CUX1: variants seen among roughly 807,000 people sequenced by gnomAD.
The protein encoded by CUX1 is protein CASP.
CUX1 carries 31 observed loss-of-function variants against 158.8 expected under a neutral mutation model. The ratio of observed to expected loss-of-function variants is 0.20; its 90% confidence interval spans 0.15 to 0.26. The LOEUF is 0.26. Ranked by LOEUF, CUX1 falls within the 10% of genes least tolerant of loss-of-function variation. CUX1 has a pLI of 1.00. For synonymous variants in CUX1, 879 were observed against 862.1 expected, an observed-to-expected ratio of 1.02 and a Z score of -0.34; for missense variants, 1,589 against 2,014.6, an observed-to-expected ratio of 0.79 and a Z score of 4.04.
chr7:101,850,112 T>C (rs1038430008), intron 1 of CUX1, among the ~76,000 whole-genome samples: 3 of 151,848 alleles, frequency 2.0e-5, no homozygotes, highest in African/African-American at 7.3e-5. Flanking sequence ...TTAGTAGAGA[T>C]GGGGTTTCAC....
chr7:101,995,172 C>T lies in CUX1; in HGVS notation c.142-32926C>T, dbSNP rs372249949. Among the ~76,000 whole-genome samples, 31 of 152,238 alleles carry T rather than the reference C, an allele frequency of 2.0e-4. 1 individual carries two copies. The East Asian group carries it at 2.5e-3, about 12-fold the overall frequency. ...GGTGATTGTGGGGAACTGCTGCTGA[C>T]GGGCTCTTGGGCACACCCCTCACTC... On this transcript the variant is annotated intron_variant, in intron 2 of 23. Coordinates refer to ENST00000292535, the MANE Select transcript of CUX1 (RefSeq NM_181552.4).
Position 102,170,554 on chromosome 7 carries a change from G to C in CUX1, c.828+4G>C. The C allele has an allele frequency of 6.4e-7, 1 of 1,569,200 alleles. No individual in the cohort carries two copies. Among genetic ancestry groups the C allele is most frequent in the Non-Finnish European group, 8.6e-7 (1 of 1,156,210 alleles). ...GATCCAGAAGGCACCAGACGTGGTGGGTAGCCCCGGCCCCGTGGGGGACTG... is the reference window on the plus strand; with the variant it reads ...GATCCAGAAGGCACCAGACGTGGTGCGTAGCCCCGGCCCCGTGGGGGACTG... On this transcript the variant is annotated splice_donor_region_variant and intron_variant, in intron 10 of 23. Coordinates refer to ENST00000292535, the MANE Select transcript of CUX1 (RefSeq NM_181552.4).
chr7:101,899,345 T>C (rs1368658683), intron 1 of CUX1, among the ~76,000 whole-genome samples: 1 of 152,078 alleles, frequency 6.6e-6, no homozygotes, highest in African/African-American at 2.4e-5. Flanking sequence ...GGTCAGGAGT[T>C]CGAGACCAGC....
At chr7:102,118,710 C>G (rs1831695386) in intron 8 of CUX1, among the ~76,000 whole-genome samples, 1 of 152,130 alleles carries the variant, frequency 6.6e-6, no homozygotes, top group Non-Finnish European at 1.5e-5. Context: ...GTACAATGGG[C>G]ATACCGGAAG....
At chr7:102,218,788 C>A (rs370139952) in intron 20 of CUX1, among the ~76,000 whole-genome samples, 8 of 152,104 alleles carry the variant, frequency 5.3e-5, no homozygotes, top group African/African-American at 1.7e-4. Context: ...CACGGTGGCT[C>A]AGGCCCATAA....
At chr7:102,197,359 C>CGT in intron 15 of CUX1, 54 bp downstream of exon 15, 4 of 1,568,350 alleles carry the variant, frequency 2.6e-6, no homozygotes, top group South Asian at 1.1e-5. Context: ...CAGAGTTGCA[C>CGT]ATGTGTGTGT....
chr7:102,147,928 A>G (rs1835195726), intron 8 of CUX1, among the ~76,000 whole-genome samples: 1 of 152,130 alleles, frequency 6.6e-6, no homozygotes, highest in Admixed American at 6.6e-5. Flanking sequence ...GTGAACCGAG[A>G]TCGCCCCACT....
intron 1 of CUX1, chr7:101,913,209 AC>A: frequency 2.8e-6 from 1 of 358,600 alleles, no homozygotes; most frequent in Non-Finnish European, 5.1e-6. Flanking sequence ...AATCTGATCA[AC>A]CCAATCTGGG....
At chr7:102,036,555 A>C (rs1251838705) in intron 3 of CUX1, among the ~76,000 whole-genome samples, 1 of 151,772 alleles carries the variant, frequency 6.6e-6, no homozygotes, top group Non-Finnish European at 1.5e-5. Flanking sequence ...CAGCCTGACC[A>C]ATATGGTGAA....
chr7:101,913,687 G>A (rs1014687970), intron 1 of CUX1, among the ~76,000 whole-genome samples: 1 of 152,126 alleles, frequency 6.6e-6, no homozygotes, highest in South Asian at 2.1e-4. Flanking sequence ...ATCGGTAGAT[G>A]CCCACCGATT....
chr7:101,826,705 C>T (rs2906717), intron 1 of CUX1, among the ~76,000 whole-genome samples: 22,585 of 151,946 alleles, frequency 0.15, 1,825 homozygotes, highest in Non-Finnish European at 0.18. Context: ...GGGCAGGGGG[C>T]GCCCACTGAG....
chr7:101,839,590 T>C (rs1795002789), intron 1 of CUX1, among the ~76,000 whole-genome samples: 2 of 152,234 alleles, frequency 1.3e-5, no homozygotes, highest in South Asian at 4.1e-4. Context: ...GGGAAGTCGA[T>C]CTTTGCGATA....
At chr7:102,071,168 A>G (rs1187699770) in intron 4 of CUX1, among the ~76,000 whole-genome samples, 1 of 152,106 alleles carries the variant, frequency 6.6e-6, no homozygotes, top group Non-Finnish European at 1.5e-5. Context: ...TTTATTGCCC[A>G]GGCTGGTCTC....
At chr7:102,242,072 G>GGTCC in intron 23 of CUX1, among the ~76,000 whole-genome samples, 1 of 152,198 alleles carries the variant, frequency 6.6e-6, no homozygotes. Context: ...GAACAGTGGA[G>GGTCC]GTCCCTCTAC....
At chr7:102,080,234 G>A (rs1367056984) in intron 4 of CUX1, among the ~76,000 whole-genome samples, 3 of 152,186 alleles carry the variant, frequency 2.0e-5, no homozygotes, top group African/African-American at 4.8e-5. Flanking sequence ...CCTCCTCGGT[G>A]TGCTTGCGTG....
At chr7:102,262,429 T>TG (rs1554544083), downstream of CUX1, among the ~76,000 whole-genome samples, 2 of 124,858 alleles carry the variant, frequency 1.6e-5, no homozygotes, top group Admixed American at 8.0e-5. Context: ...GATGGATGGA[T>TG]AACTCACAGG....
chr7:101,973,559 C>T (rs1812253742), intron 2 of CUX1, among the ~76,000 whole-genome samples: 1 of 152,108 alleles, frequency 6.6e-6, no homozygotes, highest in Non-Finnish European at 1.5e-5. Context: ...TGCGTGCATT[C>T]AATTAATTTG....
At chr7:102,121,226 G>C (rs551015599) in intron 8 of CUX1, among the ~76,000 whole-genome samples, 16 of 152,186 alleles carry the variant, frequency 1.1e-4, no homozygotes, top group African/African-American at 3.1e-4. Context: ...GGAGTGCAGT[G>C]GTGCGATCAT....
At chr7:102,275,508 G>A (rs1791542892) in intron 17 of CUX1, 1 of 618,424 alleles carries the variant, frequency 1.6e-6, no homozygotes, top group Non-Finnish European at 2.7e-6. Context: ...CTTCCTGGAG[G>A]AGGTCATGCC....
Sources: allele counts gnomAD v4.1 joint callset (sites outside exome capture counted in the v4.1 genomes callset), GRCh38; gene constraint gnomAD v4.1.1; transcripts MANE v1.5; gene names NCBI Gene and HGNC (gene_info 2026-07-23, HGNC 2026-07-21).